LRBA: variants seen among roughly 807,000 people sequenced by gnomAD.
LRBA encodes lipopolysaccharide-responsive and beige-like anchor protein.
A neutral mutation model predicts 330.0 loss-of-function variants in LRBA; 176 were observed. The ratio of observed to expected loss-of-function variants is 0.53; its 90% confidence interval spans 0.47 to 0.60. The LOEUF is 0.60. Ranked by LOEUF, LRBA falls within the 20% of genes least tolerant of loss-of-function variation. LRBA has a pLI of 0.00. For missense variants in LRBA, 3,259 were observed against 3,444.8 expected (o/e 0.95, Z 1.35); for synonymous variants, 1,230 against 1,193.0 (o/e 1.03, Z -0.64).
intron 23 of LRBA, among the ~76,000 whole-genome samples, chr4:150,851,450 G>T (rs1750606862): frequency 6.6e-6 from 1 of 152,150 alleles, no homozygotes. Flanking sequence ...ATCTCACAAA[G>T]CCTCCTCTCT....
At chr4:150,270,968 C>T (rs925169839) in intron 56 of LRBA, among the ~76,000 whole-genome samples, 13 of 152,192 alleles carry the variant, frequency 8.5e-5, no homozygotes, top group African/African-American at 2.9e-4. Context: ...GTGAGATTGA[C>T]GCTGGGTGGA....
At chr4:150,579,414 T>G in intron 40 of LRBA, 1 of 443,352 alleles carries the variant, frequency 2.3e-6, no homozygotes, top group African/African-American at 2.0e-5. Context: ...CATTATTTGC[T>G]GGAAGTGTTT....
chr4:150,766,584 A>C (rs1735787900), intron 34 of LRBA, among the ~76,000 whole-genome samples: 1 of 152,192 alleles, frequency 6.6e-6, no homozygotes, highest in South Asian at 2.1e-4. Context: ...GTTAGTCTAA[A>C]CAATTTCATA....
In LRBA at chr4:150,435,658, A is replaced by G. The variant is rs1751014315; in HGVS notation, c.6972T>C (p.His2324=). ...FLNLQGGKFD[H]ADRTFSSISR... ...AAATTGATGAAAAAGTTCGATCTGC[A>G]TGATCAAATTTGCCTCCTTGCAAAT... Residue 2324 remains histidine, a synonymous_variant, in exon 46 of 57, where the codon CAT becomes CAC. Coordinates refer to ENST00000651943, the MANE Select transcript of LRBA (RefSeq NM_001364905.1). 3 of 1,612,770 alleles carry G rather than the reference A, an allele frequency of 1.9e-6. No individual in the cohort carries two copies. Among genetic ancestry groups the G allele is most frequent in the Admixed American group, 1.7e-5 (1 of 59,822 alleles).
intron 44 of LRBA, among the ~76,000 whole-genome samples, chr4:150,459,348 G>A (rs1029727089): frequency 1.3e-5 from 2 of 151,862 alleles, no homozygotes; most frequent in Non-Finnish European, 1.5e-5. Context: ...AATACAGAGG[G>A]AAGAGTAGTT....
intron 36 of LRBA, among the ~76,000 whole-genome samples, chr4:150,730,007 A>G (rs1730222473): frequency 1.3e-5 from 2 of 152,234 alleles, no homozygotes; most frequent in African/African-American, 4.8e-5. Flanking sequence ...AAAATAGATT[A>G]AAGACTTAAA....
At chr4:150,411,794 C>T (rs1448870177) in intron 47 of LRBA, among the ~76,000 whole-genome samples, 2 of 152,070 alleles carry the variant, frequency 1.3e-5, no homozygotes, top group Non-Finnish European at 2.9e-5. Context: ...ATCAGGAACC[C>T]GATTAGCACC....
chr4:150,552,054 T>C (rs1272502143), intron 40 of LRBA, among the ~76,000 whole-genome samples: 2 of 152,076 alleles, frequency 1.3e-5, no homozygotes, highest in Non-Finnish European at 2.9e-5. Context: ...TTCCCTCATA[T>C]GCACAGTACA....
At chr4:150,950,229 T>C (rs1331671784) in intron 2 of LRBA, among the ~76,000 whole-genome samples, 5 of 152,132 alleles carry the variant, frequency 3.3e-5, no homozygotes, top group African/African-American at 9.7e-5. Flanking sequence ...ATCAGAAATC[T>C]CTCACTATGT....
chr4:150,637,835 T>C (rs908732910), intron 37 of LRBA, among the ~76,000 whole-genome samples: 4 of 152,274 alleles, frequency 2.6e-5, no homozygotes, highest in Admixed American at 2.0e-4. Context: ...TCTTGACCCA[T>C]TGCACTATGA....
chr4:150,786,805 T>C (rs1314475981), intron 34 of LRBA, among the ~76,000 whole-genome samples: 2 of 152,226 alleles, frequency 1.3e-5, no homozygotes, highest in African/African-American at 4.8e-5. Context: ...GTATGTGTAT[T>C]AAACTTTTTC....
chr4:150,870,675 G>C (rs1753319987), intron 19 of LRBA, 69 bp from the exon 20 acceptor site: 2 of 755,794 alleles, frequency 2.6e-6, no homozygotes, highest in Non-Finnish European at 4.7e-6. Flanking sequence ...TGAACTTTAA[G>C]TGCATCACTA....
chr4:150,666,813 T>C (rs1781604115), intron 37 of LRBA, among the ~76,000 whole-genome samples: 2 of 152,222 alleles, frequency 1.3e-5, no homozygotes, highest in Admixed American at 6.6e-5. Flanking sequence ...AACAAAGCCT[T>C]AGTCACATCC....
chr4:150,947,019 T>C (rs975922849), intron 2 of LRBA, among the ~76,000 whole-genome samples: 1 of 151,864 alleles, frequency 6.6e-6, no homozygotes, highest in Non-Finnish European at 1.5e-5. Context: ...CTACCACTAC[T>C]TGCCCAATAT....
chr4:150,828,069 G>A, intron 30 of LRBA, 111 bp downstream of exon 30: 5 of 901,224 alleles, frequency 5.5e-6, no homozygotes, highest in South Asian at 5.1e-5. Context: ...CTGAGGGAGT[G>A]AAAAGTTATA....
In LRBA at chr4:150,831,972, T is replaced by C. The variant is rs778429872; in HGVS notation, c.4574A>G (p.Asp1525Gly). Residue 1525 changes from aspartate (D) to glycine (G), a missense_variant, in exon 29 of 57, where the codon GAT becomes GGT. Asp to Gly is a moderately conservative substitution (Grantham distance 94, BLOSUM62 -1). Coordinates refer to ENST00000651943, the MANE Select transcript of LRBA (RefSeq NM_001364905.1). ...LRAVVFRDIE[D>G]SKQAQFLALA... ...GGCTAAAAATTGAGCTTGTTTGCTA[T>C]CCTCCTGGGAAAAAAAATTAAAGGA... 1 of 1,494,272 alleles carries C rather than the reference T, an allele frequency of 6.7e-7. No individual in the cohort carries two copies. The allele number at this position is 1,494,272 out of a possible 1,614,324, so 92.6% of individuals were successfully genotyped here.
chr4:150,427,725 G>A (rs1749829925), intron 46 of LRBA, among the ~76,000 whole-genome samples: 1 of 151,942 alleles, frequency 6.6e-6, no homozygotes, highest in Non-Finnish European at 1.5e-5. Context: ...CTGAGAACCG[G>A]ATGCAGATTT....
chr4:150,568,576 A>T (rs1769449146), intron 40 of LRBA, among the ~76,000 whole-genome samples: 2 of 152,172 alleles, frequency 1.3e-5, no homozygotes, highest in Admixed American at 1.3e-4. Context: ...ACTTTAGTGT[A>T]AATAATCCCA....
At chr4:150,294,091 G>A (rs1728668425) in intron 53 of LRBA, among the ~76,000 whole-genome samples, 1 of 152,174 alleles carries the variant, frequency 6.6e-6, no homozygotes, top group South Asian at 2.1e-4. Context: ...GTTTCTGACG[G>A]TGTGGGGGGT....
Sources: gnomAD v4.1 joint callset for allele counts (sites outside exome capture counted in the v4.1 genomes callset) on GRCh38, gnomAD v4.1.1 for gene constraint, MANE v1.5 for transcripts, NCBI Gene and HGNC (gene_info 2026-07-23, HGNC 2026-07-21) for gene names.